The following CEP128 variants were observed in gnomAD, a reference collection of about 807,000 sequenced individuals.
CEP128 encodes centrosomal protein 128.
In CEP128, 132 loss-of-function variants were observed where a neutral mutation model predicts 156.7. The ratio of observed to expected loss-of-function variants is 0.84; its 90% CI spans 0.73 to 0.97. The LOEUF (loss-of-function observed/expected upper bound fraction) is 0.97. Ranked by LOEUF, CEP128 falls within the 50% of genes least tolerant of loss-of-function variation. The pLI, the probability that CEP128 is intolerant of heterozygous loss-of-function variation, is 0.00. For synonymous variants in CEP128, 469 were observed against 448.9 expected, an observed-to-expected ratio of 1.04 and a Z score of -0.57; for missense variants, 1,252 against 1,281.9, an observed-to-expected ratio of 0.98 and a Z score of 0.36.
chr14:80,801,422 T>G (rs1244681870), intron 13 of CEP128, among the ~76,000 whole-genome samples: 2 of 151,986 alleles, frequency 1.3e-5, no homozygotes, highest in Non-Finnish European at 2.9e-5. Flanking sequence ...CATCAATACC[T>G]AGTTTATTGA....
At chr14:80,621,011 C>A (rs1457393893) in intron 19 of CEP128, among the ~76,000 whole-genome samples, 1 of 152,104 alleles carries the variant, frequency 6.6e-6, no homozygotes, top group Non-Finnish European at 1.5e-5. Flanking sequence ...ATAATTGTCA[C>A]ATCTAAAGCC....
intron 19 of CEP128, among the ~76,000 whole-genome samples, chr14:80,725,679 G>C (rs552111492): frequency 6.6e-6 from 1 of 152,184 alleles, no homozygotes; most frequent in Non-Finnish European, 1.5e-5. Flanking sequence ...GGAAGTTCAT[G>C]CTAATTAGAG....
intron 24 of CEP128, among the ~76,000 whole-genome samples, chr14:80,502,595 T>A (rs552948862): frequency 1.1e-4 from 17 of 152,176 alleles, no homozygotes; most frequent in Non-Finnish European, 2.4e-4. Flanking sequence ...TTTATGGCAA[T>A]CATATTTTAA....
intron 19 of CEP128, among the ~76,000 whole-genome samples, chr14:80,682,121 A>T (rs1271798503): frequency 6.6e-6 from 1 of 152,116 alleles, no homozygotes; most frequent in East Asian, 1.9e-4. Flanking sequence ...ACAAAAAAAT[A>T]AAAAAGGAAA....
At chr14:80,802,607 A>T (rs1266894886) in intron 13 of CEP128, among the ~76,000 whole-genome samples, 4 of 152,218 alleles carry the variant, frequency 2.6e-5, no homozygotes, top group African/African-American at 9.6e-5. Flanking sequence ...ACCATGGCAC[A>T]CATATAACCT....
At chr14:80,716,968 G>A (rs951157675) in intron 19 of CEP128, among the ~76,000 whole-genome samples, 6 of 151,976 alleles carry the variant, frequency 3.9e-5, no homozygotes, top group African/African-American at 1.2e-4. Flanking sequence ...TTTCCATTTC[G>A]CTGATGGCTA....
chr14:80,625,299 T>G (rs1322062966), intron 19 of CEP128, among the ~76,000 whole-genome samples: 1 of 152,192 alleles, frequency 6.6e-6, no homozygotes, highest in Non-Finnish European at 1.5e-5. Context: ...TCTGTTCCAT[T>G]GGTCTGGGTA....
At chr14:80,591,821 G>A (rs1566798214) in intron 19 of CEP128, among the ~76,000 whole-genome samples, 1 of 152,174 alleles carries the variant, frequency 6.6e-6, no homozygotes, top group Non-Finnish European at 1.5e-5. Context: ...AAACCACAGT[G>A]CAATCAAATT....
intron 19 of CEP128, among the ~76,000 whole-genome samples, chr14:80,600,806 A>T (rs10144929): frequency 6.6e-6 from 1 of 151,980 alleles, no homozygotes; most frequent in Admixed American, 6.5e-5. Context: ...AGCAATAATT[A>T]TAAGTCTGAG....
chr14:80,950,087 T>C (rs1479602293), intron 2 of CEP128, among the ~76,000 whole-genome samples: 2 of 152,066 alleles, frequency 1.3e-5, no homozygotes, highest in African/African-American at 4.8e-5. Flanking sequence ...GATGTCCTTG[T>C]AGGAAGAGGG....
In CEP128 at chr14:80,810,461, T is replaced by A. The variant is rs975772207; in HGVS notation, c.1210-17351A>T. 5.3e-5 allele frequency among the ~76,000 whole-genome samples: 8 copies of A among 151,964 alleles called. No individual in the cohort carries two copies. The East Asian group carries it at 1.5e-3, about 29-fold the overall frequency. ...AAATTCTCATATTAAAACATATAGA[T>A]TGACTGAATGGATTTTTAAAAATGT... On this transcript the variant is annotated intron_variant, in intron 13 of 24. Coordinates refer to ENST00000555265, the MANE Select transcript of CEP128 (RefSeq NM_152446.5).
At chr14:80,605,758 A>T (rs2140554464) in intron 19 of CEP128, among the ~76,000 whole-genome samples, 1 of 152,198 alleles carries the variant, frequency 6.6e-6, no homozygotes, top group South Asian at 2.1e-4. Flanking sequence ...CATCAGACAG[A>T]CCTTCCAAAG....
intron 19 of CEP128, among the ~76,000 whole-genome samples, chr14:80,679,047 C>T (rs1287002505): frequency 6.6e-6 from 1 of 152,100 alleles, no homozygotes; most frequent in Admixed American, 6.6e-5. Flanking sequence ...AAATAATACT[C>T]TTATAATTTC....
Position 80,785,425 on chromosome 14 carries a change from G to A in CEP128, c.1681C>T (p.His561Tyr). 6.2e-7 allele frequency: 1 copy of A among 1,614,036 alleles called. No individual in the cohort carries two copies. The change falls in exon 15 of 25, where the codon CAC (histidine) becomes TAC (tyrosine). Residue 561 changes from histidine (H) to tyrosine (Y), a missense_variant. Transcript: ENST00000555265. ...TCACGTAATTTCTCCTCCTTGGAGTGAAGCTCCTCCTCCTGAAGGGCACGC... is the reference window on the plus strand; with the variant it reads ...TCACGTAATTTCTCCTCCTTGGAGTAAAGCTCCTCCTCCTGAAGGGCACGC... Reference protein sequence around the residue: ...TKRALQEEELHSKEEKLRDIK... With the variant: ...TKRALQEEELYSKEEKLRDIK...
chr14:80,783,744 G>T (rs1901247385), intron 15 of CEP128, among the ~76,000 whole-genome samples: 1 of 152,098 alleles, frequency 6.6e-6, no homozygotes. Flanking sequence ...ACACTTGATA[G>T]CATTATGATG....
At chr14:80,564,527 T>C (rs1040404542) in intron 20 of CEP128, among the ~76,000 whole-genome samples, 2 of 152,202 alleles carry the variant, frequency 1.3e-5, no homozygotes, top group African/African-American at 4.8e-5. Flanking sequence ...CTTTGCAAAA[T>C]TATAACTGAG....
At chr14:80,743,777 C>T (rs899939405) in intron 18 of CEP128, among the ~76,000 whole-genome samples, 1 of 152,032 alleles carries the variant, frequency 6.6e-6, no homozygotes, top group Non-Finnish European at 1.5e-5. Flanking sequence ...AATGTTTATG[C>T]TTCTAAGACA....
At chr14:80,566,138 C>G (rs1413406886) in intron 20 of CEP128, among the ~76,000 whole-genome samples, 2 of 152,136 alleles carry the variant, frequency 1.3e-5, no homozygotes, top group African/African-American at 4.8e-5. Flanking sequence ...AATACAAAGC[C>G]TGTCTTCTGG....
intron 18 of CEP128, among the ~76,000 whole-genome samples, chr14:80,755,875 T>C (rs1194388363): frequency 6.6e-6 from 1 of 152,178 alleles, no homozygotes; most frequent in Non-Finnish European, 1.5e-5. Flanking sequence ...AGTTGTCTCA[T>C]GCAGTAATAG....
Sources: allele counts gnomAD v4.1 joint callset (sites outside exome capture counted in the v4.1 genomes callset), GRCh38; gene constraint gnomAD v4.1.1; transcripts MANE v1.5; gene names NCBI Gene and HGNC (gene_info 2026-07-23, HGNC 2026-07-21).